The following RBFOX3 variants were observed in gnomAD, a reference collection of about 807,000 sequenced individuals.
The protein encoded by RBFOX3 is RNA binding fox-1 homolog 3.
In RBFOX3, 17 loss-of-function variants were observed where a neutral mutation model predicts 48.7. The observed-to-expected ratio is 0.35, with a 90% CI of 0.24 to 0.52. RBFOX3 has a LOEUF of 0.52. Among genes scored for constraint, RBFOX3 ranks in the 20% least tolerant of loss-of-function variants. The pLI, the probability that RBFOX3 is intolerant of heterozygous loss-of-function variation, is 0.94. For missense variants in RBFOX3, 382 were observed against 497.5 expected (o/e 0.77, Z 2.21); for synonymous variants, 212 against 209.5 (o/e 1.01, Z -0.10).
At chr17:79,337,271 C>T (rs2081341263) in intron 2 of RBFOX3, among the ~76,000 whole-genome samples, 1 of 152,134 alleles carries the variant, frequency 6.6e-6, no homozygotes, top group Non-Finnish European at 1.5e-5. Context: ...AAAAATTAAT[C>T]CCAGGTGGGA....
At chr17:79,414,928 C>T (rs75556906) in intron 2 of RBFOX3, among the ~76,000 whole-genome samples, 17 of 152,324 alleles carry the variant, frequency 1.1e-4, no homozygotes, top group South Asian at 8.3e-4. Context: ...GAGGGGCCGT[C>T]GCAGTCCAGC....
At chr17:79,133,507 C>T (rs2039468120) in intron 4 of RBFOX3, among the ~76,000 whole-genome samples, 1 of 152,190 alleles carries the variant, frequency 6.6e-6, no homozygotes, top group Admixed American at 6.5e-5. Context: ...TCTGCTGTGA[C>T]TCAGGTCTTC....
intron 4 of RBFOX3, among the ~76,000 whole-genome samples, chr17:79,218,488 G>A (rs2059334048): frequency 6.6e-6 from 1 of 152,178 alleles, no homozygotes; most frequent in African/African-American, 2.4e-5. Flanking sequence ...CGGCCCCCAG[G>A]GCTTGGCCGA....
At chr17:79,350,531 GA>G (rs1237244758) in intron 2 of RBFOX3, among the ~76,000 whole-genome samples, 1 of 152,212 alleles carries the variant, frequency 6.6e-6, no homozygotes, top group Non-Finnish European at 1.5e-5. Flanking sequence ...TTTTAGCAGT[GA>G]AAGTCTACAT....
At chr17:79,607,672 A>T (rs1316794572) in intron 1 of RBFOX3, among the ~76,000 whole-genome samples, 1 of 152,230 alleles carries the variant, frequency 6.6e-6, no homozygotes, top group East Asian at 1.9e-4. Flanking sequence ...TGCCCTCAGC[A>T]GCAAGGCACC....
In RBFOX3 at chr17:79,361,050, G is replaced by A. The variant is rs114462038; in HGVS notation, c.-174-53226C>T. ...TCAGCTTTTGGAAACAGAAGTTCAC[G>A]TCTCAGGCAAAGGAAGGGAAAGGAA... On this transcript the variant is annotated intron_variant, in intron 2 of 14. Coordinates refer to ENST00000693108, the MANE Select transcript of RBFOX3 (RefSeq NM_001350451.2). The surrounding 1 kb of genome is among the most constrained non-coding windows in gnomAD (Gnocchi z 4.5). 5.0e-3 allele frequency among the ~76,000 whole-genome samples: 757 copies of A among 152,188 alleles called. 5 individuals carry two copies. The highest frequency in any genetic ancestry group is 0.018 in the African/African-American group (730 of 41,506).
chr17:79,157,303 GGCCTA>G (rs1454245874), intron 4 of RBFOX3, among the ~76,000 whole-genome samples: 2 of 152,180 alleles, frequency 1.3e-5, no homozygotes, highest in Non-Finnish European at 2.9e-5. Context: ...CTGGCCCTGT[GGCCTA>G]GCCAAGAGCC....
At chr17:79,439,877 CCT>C (rs1280573313) in intron 2 of RBFOX3, among the ~76,000 whole-genome samples, 8 of 152,234 alleles carry the variant, frequency 5.3e-5, no homozygotes, top group Non-Finnish European at 1.2e-4. Flanking sequence ...CTCTGGTGAC[CCT>C]GAGTCTGTTA....
chr17:79,125,274 T>A (rs1210269976), intron 4 of RBFOX3, among the ~76,000 whole-genome samples: 1 of 152,168 alleles, frequency 6.6e-6, no homozygotes, highest in African/African-American at 2.4e-5. Context: ...TGGGTGTACA[T>A]GTCCTTGGTC....
At position 79,356,348 on chromosome 17, in the gene RBFOX3, G is replaced by GTTTTTTT. The variant is rs58040659; in HGVS notation, c.-174-48531_-174-48525dup. ...ACTTTTTCACTTTTAAAACAGGGAA[G>GTTTTTTT]TTTTTTTTTTTTTTTTTTTTTTTTT... On this transcript the variant is annotated intron_variant, in intron 2 of 14. Transcript: ENST00000693108. 3.6e-4 allele frequency among the ~76,000 whole-genome samples: 17 copies of GTTTTTTT among 47,328 alleles called. 1 individual carries two copies. Among genetic ancestry groups the GTTTTTTT allele is most frequent in the African/African-American group, 9.6e-4 (12 of 12,506 alleles). The allele number at this position is 47,328 out of a possible 152,430, so 31.0% of individuals were successfully genotyped here.
At chr17:79,517,063 A>G (rs1218777793) in intron 1 of RBFOX3, among the ~76,000 whole-genome samples, 1 of 152,142 alleles carries the variant, frequency 6.6e-6, no homozygotes, top group African/African-American at 2.4e-5. Flanking sequence ...ATTGCACGGC[A>G]ATGTGAAGGT....
At chr17:79,124,269 C>T (rs1002296262) in intron 4 of RBFOX3, among the ~76,000 whole-genome samples, 3 of 152,220 alleles carry the variant, frequency 2.0e-5, no homozygotes, top group East Asian at 1.9e-4. Flanking sequence ...AGACATTTAC[C>T]GGCACGCCAC....
the RBFOX3 span, among the ~76,000 whole-genome samples, chr17:79,620,445 G>A: frequency 1.6e-5 from 2 of 121,664 alleles, no homozygotes; most frequent in East Asian, 2.6e-4. Context: ...ACATGCACAT[G>A]CACACATGCG....
chr17:79,468,927 T>C (rs1206828960), intron 2 of RBFOX3, among the ~76,000 whole-genome samples: 9 of 125,776 alleles, frequency 7.2e-5, no homozygotes, highest in Non-Finnish European at 1.3e-4. Flanking sequence ...GGCAGGCAGA[T>C]AGAGACGGGA....
rs552073931 is a variant in RBFOX3, at chr17:79,267,885, A to C, written c.-73-32080T>G. 3.9e-5 allele frequency among the ~76,000 whole-genome samples: 6 copies of C among 152,260 alleles called. No individual in the cohort carries two copies. The South Asian group carries it at 1.2e-3, about 32-fold the overall frequency. ...AGCTAGGAACGCGCAAGGCAGAGAGAAAAGGACGGGAAGGAGGTGTCTCTC... is the reference window on the plus strand; with the variant it reads ...AGCTAGGAACGCGCAAGGCAGAGAGCAAAGGACGGGAAGGAGGTGTCTCTC... On this transcript the variant is annotated intron_variant, in intron 3 of 14. Transcript: ENST00000693108.
At chr17:79,216,097 T>C (rs2059006844) in intron 4 of RBFOX3, among the ~76,000 whole-genome samples, 1 of 152,216 alleles carries the variant, frequency 6.6e-6, no homozygotes, top group Non-Finnish European at 1.5e-5. Context: ...CTGTCTGGGC[T>C]TTGGAGCTGG....
intron 2 of RBFOX3, among the ~76,000 whole-genome samples, chr17:79,452,973 C>T (rs1045000966): frequency 9.2e-5 from 14 of 152,220 alleles, no homozygotes; most frequent in African/African-American, 3.1e-4. Flanking sequence ...CCCACTGAGA[C>T]GTGCAGCTTG....
intron 1 of RBFOX3, among the ~76,000 whole-genome samples, chr17:79,590,767 C>T (rs1311260464): frequency 6.6e-6 from 1 of 152,140 alleles, no homozygotes; most frequent in Non-Finnish European, 1.5e-5. Context: ...TCAGATGGCC[C>T]CTTTCTCACC....
intron 5 of RBFOX3, among the ~76,000 whole-genome samples, chr17:79,114,726 T>G (rs2033329196): frequency 6.6e-6 from 1 of 152,092 alleles, no homozygotes; most frequent in African/African-American, 2.4e-5. Flanking sequence ...GCGGGGACAG[T>G]TGGATGAACC....
Sources: allele counts gnomAD v4.1 joint callset (sites outside exome capture counted in the v4.1 genomes callset), GRCh38; gene constraint gnomAD v4.1.1; non-coding constraint Gnocchi (gnomAD v3.1); transcripts MANE v1.5; gene names NCBI Gene and HGNC (gene_info 2026-07-23, HGNC 2026-07-21).